Variants in ST6GALNAC5 observed in about 807,000 individuals in gnomAD.
ST6GALNAC5 encodes alpha-N-acetylgalactosaminide alpha-2,6-sialyltransferase 5.
In ST6GALNAC5, 27 loss-of-function variants were observed where a neutral mutation model predicts 33.6. The observed-to-expected ratio is 0.80, with a 90% CI of 0.59 to 1.11. The LOEUF is 1.11. ST6GALNAC5 is among the 50% of genes least tolerant of loss of function. The pLI, the probability that ST6GALNAC5 is intolerant of heterozygous loss-of-function variation, is 0.00. For synonymous variants in ST6GALNAC5, 194 were observed against 171.2 expected (o/e 1.13, Z -1.04); for missense variants, 428 against 454.0 (o/e 0.94, Z 0.52).
intron 2 of ST6GALNAC5, among the ~76,000 whole-genome samples, chr1:76,920,840 T>A (rs1382603150): frequency 6.6e-6 from 1 of 151,868 alleles, no homozygotes; most frequent in Non-Finnish European, 1.5e-5. Context: ...AATAATAGAG[T>A]AATGCCCAAG....
chr1:76,978,019 G>A (rs1208870129), intron 2 of ST6GALNAC5, among the ~76,000 whole-genome samples: 2 of 152,034 alleles, frequency 1.3e-5, no homozygotes, highest in Non-Finnish European at 2.9e-5. Context: ...CAGCCGTTCT[G>A]ACTAGGGTGA....
intron 4 of ST6GALNAC5, among the ~76,000 whole-genome samples, chr1:77,054,255 A>G (rs990552454): frequency 6.6e-6 from 1 of 152,264 alleles, no homozygotes; most frequent in African/African-American, 2.4e-5. Context: ...TGACCCACTG[A>G]GCTTTATTGG....
At chr1:76,917,650 A>G (rs1311570007) in intron 2 of ST6GALNAC5, among the ~76,000 whole-genome samples, 1 of 151,190 alleles carries the variant, frequency 6.6e-6, no homozygotes, top group African/African-American at 2.4e-5. Flanking sequence ...AAATAAATAT[A>G]TAAAAATATA....
intron 2 of ST6GALNAC5, among the ~76,000 whole-genome samples, chr1:77,031,076 C>T (rs1651433702): frequency 6.6e-6 from 1 of 152,200 alleles, no homozygotes; most frequent in Non-Finnish European, 1.5e-5. Context: ...GTAAACCATT[C>T]TGTGGCCCCA....
intron 2 of ST6GALNAC5, among the ~76,000 whole-genome samples, chr1:76,965,217 C>CT (rs1032832964): frequency 5.3e-5 from 8 of 151,222 alleles, no homozygotes; most frequent in Admixed American, 4.6e-4. Flanking sequence ...AGTTTACCAC[C>CT]CCCCCCACCA....
chr1:76,998,597 T>G (rs909131209), intron 2 of ST6GALNAC5, among the ~76,000 whole-genome samples: 3 of 152,190 alleles, frequency 2.0e-5, no homozygotes, highest in African/African-American at 7.2e-5. Flanking sequence ...AAAGAAAGCC[T>G]AGTTTCCTTT....
chr1:76,960,427 A>T (rs995667570), intron 2 of ST6GALNAC5, among the ~76,000 whole-genome samples: 6 of 152,172 alleles, frequency 3.9e-5, no homozygotes, highest in Admixed American at 6.5e-5. Flanking sequence ...AGATCACAGG[A>T]CCACAGGACG....
chr1:76,979,195 C>G (rs1184872763), intron 2 of ST6GALNAC5, among the ~76,000 whole-genome samples: 1 of 151,866 alleles, frequency 6.6e-6, no homozygotes, highest in African/African-American at 2.4e-5. Flanking sequence ...GTTCGTATTA[C>G]CTAAAGCTAG....
At chr1:76,919,955 C>T (rs1374426947) in intron 2 of ST6GALNAC5, among the ~76,000 whole-genome samples, 1 of 152,050 alleles carries the variant, frequency 6.6e-6, no homozygotes, top group African/African-American at 2.4e-5. Flanking sequence ...TCAGAAAACA[C>T]TATAAATACG....
At chr1:77,011,034 G>T (rs1399222180) in intron 2 of ST6GALNAC5, among the ~76,000 whole-genome samples, 6 of 152,180 alleles carry the variant, frequency 3.9e-5, no homozygotes, top group Non-Finnish European at 8.8e-5. Flanking sequence ...GAAGTCTGAG[G>T]TTCTGCTGTT....
intron 2 of ST6GALNAC5, among the ~76,000 whole-genome samples, chr1:76,969,522 T>C (rs565348873): frequency 6.6e-6 from 1 of 152,288 alleles, no homozygotes; most frequent in Non-Finnish European, 1.5e-5. Context: ...CAAAGCAGCC[T>C]GGAAGCTCAA....
chr1:76,873,808 T>G (rs1036769493), intron 2 of ST6GALNAC5, among the ~76,000 whole-genome samples: 12 of 152,320 alleles, frequency 7.9e-5, no homozygotes, highest in African/African-American at 2.6e-4. Flanking sequence ...CATCACAATG[T>G]GTAGTTCTGT....
chr1:76,975,832 C>A (rs970709776), intron 2 of ST6GALNAC5, among the ~76,000 whole-genome samples: 4 of 152,176 alleles, frequency 2.6e-5, no homozygotes, highest in Non-Finnish European at 5.9e-5. Context: ...GGATGGCTCA[C>A]GCCTATAATC....
intron 2 of ST6GALNAC5, among the ~76,000 whole-genome samples, chr1:76,963,809 A>G (rs983182957): frequency 6.6e-6 from 1 of 152,202 alleles, no homozygotes; most frequent in African/African-American, 2.4e-5. Context: ...GACTTTGCAC[A>G]TGTGATTAAG....
At position 76,999,086 on chromosome 1, in the gene ST6GALNAC5, A is replaced by T. The variant is rs549445458; in HGVS notation, c.262-45118A>T. On this transcript the variant is annotated intron_variant, in intron 2 of 4. Coordinates refer to ENST00000477717, the MANE Select transcript of ST6GALNAC5 (RefSeq NM_030965.3). Reference sequence around the variant, plus strand: ...ATACTGTAGGAAAATAAAAAGGTTAAAATTACCTTTTGGATTCAATGTGAT... The same window carrying T: ...ATACTGTAGGAAAATAAAAAGGTTATAATTACCTTTTGGATTCAATGTGAT... 5.3e-5 allele frequency among the ~76,000 whole-genome samples: 8 copies of T among 152,306 alleles called. No individual in the cohort carries two copies. The South Asian group carries it at 1.5e-3, about 28-fold the overall frequency.
At chr1:76,957,239 G>T (rs1349087107) in intron 2 of ST6GALNAC5, among the ~76,000 whole-genome samples, 5 of 152,140 alleles carry the variant, frequency 3.3e-5, no homozygotes, top group Admixed American at 1.3e-4. Context: ...TCCAGGGAAG[G>T]ATCCTTTCCT....
chr1:76,925,024 G>T (rs1162916727), intron 2 of ST6GALNAC5, among the ~76,000 whole-genome samples: 1 of 152,058 alleles, frequency 6.6e-6, no homozygotes, highest in Admixed American at 6.6e-5. Flanking sequence ...CCTGGTGAGG[G>T]CCCCAGGAAG....
At chr1:77,036,355 C>T (rs1557769591) in intron 2 of ST6GALNAC5, among the ~76,000 whole-genome samples, 1 of 152,100 alleles carries the variant, frequency 6.6e-6, no homozygotes. Context: ...TTGCCCAACT[C>T]TCTAAATATA....
chr1:76,870,857 G>A (rs77369083), intron 2 of ST6GALNAC5, among the ~76,000 whole-genome samples: 5,924 of 152,188 alleles, frequency 0.039, 196 homozygotes, highest in African/African-American at 0.087. Context: ...GGGAGTTCAC[G>A]TCACCACAAG....
Sources: gnomAD v4.1 joint callset for allele counts (sites outside exome capture counted in the v4.1 genomes callset) on GRCh38, gnomAD v4.1.1 for gene constraint, MANE v1.5 for transcripts, NCBI Gene and HGNC (gene_info 2026-07-23, HGNC 2026-07-21) for gene names.